Variants in ME3 observed in about 807,000 individuals in gnomAD.
The protein encoded by ME3 is NADP-dependent malic enzyme, mitochondrial.
A neutral mutation model predicts 68.9 loss-of-function variants in ME3; 48 were observed. The ratio of observed to expected loss-of-function variants is 0.70; its 90% confidence interval spans 0.55 to 0.89. The LOEUF (loss-of-function observed/expected upper bound fraction) is 0.89. Ranked by LOEUF, ME3 falls within the 40% of genes least tolerant of loss-of-function variation. The pLI is 0.00. For synonymous variants in ME3, 320 were observed against 318.8 expected (o/e 1.00, Z -0.04); for missense variants, 675 against 797.4 (o/e 0.85, Z 1.85).
chr11:86,537,398 C>CT (rs1386062645), intron 4 of ME3, among the ~76,000 whole-genome samples: 1 of 151,846 alleles, frequency 6.6e-6, no homozygotes, highest in East Asian at 1.9e-4. Flanking sequence ...GAGGGAATAA[C>CT]TATCACTGTG....
intron 7 of ME3, among the ~76,000 whole-genome samples, chr11:86,469,431 C>T (rs1950661778): frequency 2.0e-5 from 3 of 152,302 alleles, no homozygotes; most frequent in South Asian, 4.2e-4. Flanking sequence ...AAGGCAGCCA[C>T]CCTCCAGGTC....
At chr11:86,465,319 C>T in intron 7 of ME3, 119 bp from the exon 8 acceptor site, 2 of 752,332 alleles carry the variant, frequency 2.7e-6, no homozygotes, top group Non-Finnish European at 4.8e-6. Flanking sequence ...TGGCATGGCT[C>T]CTTCATCTGT....
downstream of ME3, among the ~76,000 whole-genome samples, chr11:86,438,556 TTAAG>T (rs1948910020): frequency 6.6e-6 from 1 of 152,198 alleles, no homozygotes; most frequent in Non-Finnish European, 1.5e-5. Context: ...GTGTTATTAC[TTAAG>T]TATTTGATAA....
At chr11:86,447,855 C>CAA (rs35352939) in intron 11 of ME3, among the ~76,000 whole-genome samples, 5,337 of 120,522 alleles carry the variant, frequency 0.044, 234 homozygotes, top group African/African-American at 0.098. Flanking sequence ...TAAACTCTGT[C>CAA]AAAAAAAAAA....
At chr11:86,642,750 A>T (rs72957439) in intron 2 of ME3, among the ~76,000 whole-genome samples, 10,990 of 152,212 alleles carry the variant, frequency 0.072, 476 homozygotes, top group East Asian at 0.14. Flanking sequence ...AATTCCTCAC[A>T]TATTCCTCAG....
Position 86,523,127 on chromosome 11 carries a change from C to G in ME3, c.468-14260G>C, listed in dbSNP as rs1448181882. On this transcript the variant is annotated intron_variant, in intron 4 of 14. Coordinates refer to ENST00000543262, the Ensembl canonical transcript of ME3. ...ACTGTTGGCTCCTTGAAGACCTGATCTTTGGACTGAGGCAAGTCATGTCAT... is the reference window on the plus strand; with the variant it reads ...ACTGTTGGCTCCTTGAAGACCTGATGTTTGGACTGAGGCAAGTCATGTCAT... Among the ~76,000 whole-genome samples, 3 of 152,166 alleles carry G rather than the reference C, an allele frequency of 2.0e-5. No individual in the cohort carries two copies. The South Asian group carries it at 6.2e-4, about 31-fold the overall frequency.
chr11:86,531,451 G>A (rs1408826312), intron 4 of ME3, among the ~76,000 whole-genome samples: 1 of 152,174 alleles, frequency 6.6e-6, no homozygotes. Flanking sequence ...CAATTCCTCA[G>A]GGATCTAGAA....
chr11:86,645,615 G>A (rs1459962943), intron 2 of ME3, among the ~76,000 whole-genome samples: 7 of 152,174 alleles, frequency 4.6e-5, no homozygotes, highest in Non-Finnish European at 2.9e-5. Flanking sequence ...GGGTGGCTGT[G>A]GGTGCAGCTT....
chr11:86,665,614 C>T (rs1946542138), intron 2 of ME3, among the ~76,000 whole-genome samples: 1 of 152,000 alleles, frequency 6.6e-6, no homozygotes, highest in Admixed American at 6.6e-5. Context: ...CATGTTGAAA[C>T]TTAGTTTTAA....
intron 4 of ME3, among the ~76,000 whole-genome samples, chr11:86,534,543 C>T (rs1007624794): frequency 7.2e-5 from 11 of 151,970 alleles, no homozygotes; most frequent in South Asian, 4.2e-4. Context: ...GGCAGGGTGG[C>T]GCATGCCTGT....
At chr11:86,475,866 T>TAGAGAGAG (rs1487875000) in intron 7 of ME3, among the ~76,000 whole-genome samples, 4 of 112,010 alleles carry the variant, frequency 3.6e-5, no homozygotes, top group South Asian at 3.0e-4. Flanking sequence ...TATATATATA[T>TAGAGAGAG]ATATATATAG....
chr11:86,650,865 G>A (rs1392511308), intron 2 of ME3, among the ~76,000 whole-genome samples: 1 of 152,170 alleles, frequency 6.6e-6, no homozygotes, highest in East Asian at 1.9e-4. Context: ...GGGTGACAGA[G>A]GGCACCAGGA....
chr11:86,655,794 CA>C (rs1230039793), intron 2 of ME3, among the ~76,000 whole-genome samples: 1 of 151,080 alleles, frequency 6.6e-6, no homozygotes, highest in Non-Finnish European at 1.5e-5. Context: ...AAGAAACTAC[CA>C]TCAGAGTGAA....
chr11:86,549,033 C>T (rs911940444), intron 4 of ME3, among the ~76,000 whole-genome samples: 1 of 152,242 alleles, frequency 6.6e-6, no homozygotes, highest in Non-Finnish European at 1.5e-5. Flanking sequence ...CCATCCCAGA[C>T]TTGCTCAGTC....
chr11:86,627,678 A>G (rs956502181), intron 2 of ME3, among the ~76,000 whole-genome samples: 1 of 152,134 alleles, frequency 6.6e-6, no homozygotes, highest in Non-Finnish European at 1.5e-5. Flanking sequence ...AGGATTCAGT[A>G]TCAACCTCAA....
At chr11:86,612,300 T>A (rs1942640624) in intron 2 of ME3, among the ~76,000 whole-genome samples, 1 of 152,258 alleles carries the variant, frequency 6.6e-6, no homozygotes, top group South Asian at 2.1e-4. Flanking sequence ...ATTTTCTTTA[T>A]CCAGTCTATC....
intron 4 of ME3, among the ~76,000 whole-genome samples, chr11:86,538,287 A>G (rs1050779018): frequency 6.6e-6 from 1 of 152,190 alleles, no homozygotes; most frequent in Non-Finnish European, 1.5e-5. Flanking sequence ...GAATACTGCT[A>G]CTTGCTTGTC....
intron 5 of ME3, among the ~76,000 whole-genome samples, chr11:86,506,107 G>A (rs1189120314): frequency 1.3e-5 from 2 of 152,166 alleles, no homozygotes; most frequent in Non-Finnish European, 2.9e-5. Context: ...CTAAAAGATG[G>A]TTGAATGCAA....
rs529734463 is a variant in ME3 at position 86,559,478 on chromosome 11, TC to T, written c.317+211del. 1.9e-3 allele frequency among the ~76,000 whole-genome samples: 293 copies of T among 152,136 alleles called. 4 individuals are homozygous for T. The highest frequency in any genetic ancestry group is 0.018 in the Admixed American group (270 of 15,280). Reference sequence around the variant, plus strand: ...TTGGAATGCAGTTTCCCTTCCCATTTCCCCCAGGACATGTCAGCTGTGTCTC... The same window carrying T: ...TTGGAATGCAGTTTCCCTTCCCATTTCCCCAGGACATGTCAGCTGTGTCTC... On this transcript the variant is annotated intron_variant, in intron 3 of 14. Coordinates refer to ENST00000543262, the Ensembl canonical transcript of ME3.
Sources: allele counts gnomAD v4.1 joint callset (sites outside exome capture counted in the v4.1 genomes callset), GRCh38; gene constraint gnomAD v4.1.1; transcripts MANE v1.5; gene names NCBI Gene and HGNC (gene_info 2026-07-23, HGNC 2026-07-21).